The following COL15A1 variants were observed in gnomAD, a reference collection of about 807,000 sequenced individuals.
COL15A1 encodes collagen type XV alpha 1 chain.
A neutral mutation model predicts 165.9 loss-of-function variants in COL15A1; 111 were observed. That is an observed-to-expected ratio of 0.67 (90% CI 0.57 to 0.78). The LOEUF (loss-of-function observed/expected upper bound fraction) is 0.78, where lower values mean the gene tolerates loss of function less well. Ranked by LOEUF, COL15A1 falls within the 30% of genes least tolerant of loss-of-function variation. The pLI, the probability that COL15A1 is intolerant of heterozygous loss-of-function variation, is 0.00. For missense variants in COL15A1, 1,745 were observed against 1,789.7 expected (o/e 0.98, Z 0.45); for synonymous variants, 659 against 674.8 (o/e 0.98, Z 0.36).
At chr9:99,026,625 G>T (rs1839130098) in intron 16 of COL15A1, among the ~76,000 whole-genome samples, 1 of 152,014 alleles carries the variant, frequency 6.6e-6, no homozygotes, top group South Asian at 2.1e-4. Context: ...AAATGCTCTG[G>T]GCACGCTCTT....
In COL15A1 at chr9:98,985,896, T is replaced by C. The variant is rs1838303872; in HGVS notation, c.432T>C (p.His144=). Residue 144 remains histidine (H), a synonymous_variant, in exon 3 of 42, where the codon CAT becomes CAC. Transcript: ENST00000375001. ...TCTACTACACGGAGCCAGGCTCCCA[T>C]GTGTCCCAAGAGGCTGCTGCCTTCT... ...IILYYTEPGS[H]VSQEAAAFSV... The C allele has an allele frequency of 1.9e-6, 3 of 1,613,788 alleles. No individual in the cohort carries two copies. Among genetic ancestry groups the C allele is most frequent in the African/African-American group, 2.7e-5 (2 of 74,896 alleles).
chr9:99,038,059 C>T (rs1329418768), intron 21 of COL15A1, among the ~76,000 whole-genome samples: 1 of 151,698 alleles, frequency 6.6e-6, no homozygotes, highest in Non-Finnish European at 1.5e-5. Context: ...TGCTGGTAGA[C>T]CACAGAAAGA....
At chr9:98,988,660 C>T (rs528114696) in intron 4 of COL15A1, among the ~76,000 whole-genome samples, 9 of 152,296 alleles carry the variant, frequency 5.9e-5, no homozygotes, top group Admixed American at 4.6e-4. Context: ...CAGTAGCTCA[C>T]GCCTGTAATC....
rs984627019 is a variant in COL15A1 at position 98,944,699 on chromosome 9, A to G, written c.100+449A>G. Among the ~76,000 whole-genome samples, 3 of 152,264 alleles carry G rather than the reference A, an allele frequency of 2.0e-5. No individual in the cohort carries two copies. The South Asian group carries it at 6.2e-4, about 31-fold the overall frequency. On this transcript the variant is annotated intron_variant, in intron 2 of 41. Transcript: ENST00000375001. ...GGACATCTGGGGCTTTTGCTGCTCA[A>G]GAAATAACGGAACTGAATTGCTCGG...
In COL15A1 at chr9:99,034,998, G is replaced by A; in HGVS notation, c.2080-16G>A. Reference sequence around the variant, plus strand: ...GAACCCAGGGCTAGATAATCAGCCTGCCCTCTTTCCTACAGGGTGACCCTG... The same window carrying A: ...GAACCCAGGGCTAGATAATCAGCCTACCCTCTTTCCTACAGGGTGACCCTG... On this transcript the variant is annotated splice_polypyrimidine_tract_variant and intron_variant, in intron 17 of 41. Coordinates refer to ENST00000375001, the MANE Select transcript of COL15A1 (RefSeq NM_001855.5). The A allele has an allele frequency of 6.2e-7, 1 of 1,609,716 alleles. No individual in the cohort carries two copies.
chr9:99,022,233 C>A, intron 13 of COL15A1, 83 bp downstream of exon 13: 1 of 1,574,686 alleles, frequency 6.4e-7, no homozygotes, highest in Non-Finnish European at 8.7e-7. Flanking sequence ...GAGGACTCTC[C>A]TTTTTGGCCC....
At chr9:98,983,168 T>C (rs1300769028) in intron 2 of COL15A1, among the ~76,000 whole-genome samples, 1 of 152,244 alleles carries the variant, frequency 6.6e-6, no homozygotes, top group Non-Finnish European at 1.5e-5. Context: ...AGGTTAGTAC[T>C]GGCGGTGAGC....
chr9:98,964,332 T>C (rs903522155), intron 2 of COL15A1, among the ~76,000 whole-genome samples: 1 of 152,194 alleles, frequency 6.6e-6, no homozygotes, highest in Non-Finnish European at 1.5e-5. Context: ...TTGGAGACTG[T>C]CAAGCTGTAC....
chr9:99,067,300 A>C (rs1825911774), intron 40 of COL15A1, among the ~76,000 whole-genome samples: 1 of 152,154 alleles, frequency 6.6e-6, no homozygotes, highest in Non-Finnish European at 1.5e-5. Context: ...TCTTTCATTG[A>C]TACAGGGTTT....
At chr9:99,006,149 C>T (rs750488849) in intron 9 of COL15A1, among the ~76,000 whole-genome samples, 1 of 152,210 alleles carries the variant, frequency 6.6e-6, no homozygotes, top group Non-Finnish European at 1.5e-5. Context: ...GAATTCAGCT[C>T]AAACACCACT....
At chr9:99,058,711 C>T (rs1268183068) in intron 35 of COL15A1, among the ~76,000 whole-genome samples, 4 of 152,162 alleles carry the variant, frequency 2.6e-5, no homozygotes, top group African/African-American at 9.7e-5. Context: ...AAATTCATCT[C>T]ACGGATGAAG....
At chr9:99,029,759 A>G (rs553722887) in intron 16 of COL15A1, among the ~76,000 whole-genome samples, 1 of 152,238 alleles carries the variant, frequency 6.6e-6, no homozygotes, top group Non-Finnish European at 1.5e-5. Flanking sequence ...CCCCATCTCT[A>G]CTAAAAATAC....
intron 7 of COL15A1, among the ~76,000 whole-genome samples, 199 bp from the exon 8 acceptor site, chr9:99,003,254 G>A (rs893820945): frequency 2.0e-5 from 3 of 152,222 alleles, no homozygotes; most frequent in Admixed American, 2.0e-4. Flanking sequence ...CCAATACTGG[G>A]AATCAAACAC....
chr9:99,060,459 G>A (rs1261225941), intron 36 of COL15A1, among the ~76,000 whole-genome samples: 1 of 146,746 alleles, frequency 6.8e-6, no homozygotes, highest in Admixed American at 6.8e-5. Flanking sequence ...GTAGAGACAG[G>A]GTTTTTGTTA....
At chr9:99,024,269 T>TTTTTTG in intron 14 of COL15A1, among the ~76,000 whole-genome samples, 1 of 133,544 alleles carries the variant, frequency 7.5e-6, no homozygotes, top group Non-Finnish European at 1.5e-5. Context: ...CCACAAGCAG[T>TTTTTTG]TTTTTTTGTT....
chr9:98,971,176 C>T (rs925006899), intron 2 of COL15A1, among the ~76,000 whole-genome samples: 7 of 152,194 alleles, frequency 4.6e-5, no homozygotes, highest in South Asian at 2.1e-4. Flanking sequence ...AGTCCTGTGT[C>T]GCCTTGGAAT....
chr9:99,038,823 C>T, intron 22 of COL15A1, 90 bp downstream of exon 22: 1 of 784,516 alleles, frequency 1.3e-6, no homozygotes, highest in Non-Finnish European at 2.3e-6. Flanking sequence ...CTTTTAGCTC[C>T]TGAAGCGTAG....
chr9:99,024,277 G>GTTTTTTTTTTTTTTTTTTTTTTTT (rs773196929), intron 14 of COL15A1, among the ~76,000 whole-genome samples: 1 of 108,628 alleles, frequency 9.2e-6, no homozygotes, highest in Non-Finnish European at 1.8e-5. Flanking sequence ...AGTTTTTTTT[G>GTTTTTTTTTTTTTTTTTTTTTTTT]TTTTTTTGTT....
chr9:98,957,240 T>C (rs976739586), intron 2 of COL15A1, among the ~76,000 whole-genome samples: 14 of 152,304 alleles, frequency 9.2e-5, no homozygotes, highest in African/African-American at 3.4e-4. Context: ...CCTTGTTTGC[T>C]AGCTTTGAAA....
Sources: gnomAD v4.1 joint callset for allele counts (sites outside exome capture counted in the v4.1 genomes callset) on GRCh38, gnomAD v4.1.1 for gene constraint, MANE v1.5 for transcripts, NCBI Gene and HGNC (gene_info 2026-07-23, HGNC 2026-07-21) for gene names.